CNTN4: variants seen among roughly 807,000 people sequenced by gnomAD.
CNTN4 encodes contactin 4, also known as contactin-4.
In CNTN4, 77 loss-of-function variants were observed where a neutral mutation model predicts 122.5. The ratio of observed to expected loss-of-function variants is 0.63; its 90% CI spans 0.52 to 0.76. The LOEUF is 0.76. Ranked by LOEUF, CNTN4 falls within the 30% of genes least tolerant of loss-of-function variation. The pLI, the probability that CNTN4 is intolerant of heterozygous loss-of-function variation, is 0.00. For missense variants in CNTN4, 1,256 were observed against 1,259.1 expected (o/e 1.00, Z 0.04); for synonymous variants, 512 against 447.0 (o/e 1.15, Z -1.83).
chr3:2,900,467 G>C (rs2094161120), intron 10 of CNTN4, among the ~76,000 whole-genome samples: 2 of 152,130 alleles, frequency 1.3e-5, no homozygotes, highest in African/African-American at 4.8e-5. Context: ...TATCCATTTT[G>C]CATTTAGCGA....
At chr3:2,826,447 G>T (rs2092990930) in intron 7 of CNTN4, among the ~76,000 whole-genome samples, 1 of 152,172 alleles carries the variant, frequency 6.6e-6, no homozygotes, top group African/African-American at 2.4e-5. Context: ...AAAGAAGCAA[G>T]CATGCCTTTC....
intron 3 of CNTN4, among the ~76,000 whole-genome samples, chr3:2,354,204 A>G (rs975877701): frequency 6.6e-6 from 1 of 152,220 alleles, no homozygotes; most frequent in African/African-American, 2.4e-5. Flanking sequence ...GTCAGAATTC[A>G]TAATCACTTC....
At position 2,709,413 on chromosome 3, in the gene CNTN4, C is replaced by T. The variant is rs1214545685; in HGVS notation, c.56-26802C>T. On this transcript the variant is annotated intron_variant, in intron 4 of 24. Transcript: ENST00000418658. The surrounding 1 kb of genome is among the most constrained non-coding windows in gnomAD (Gnocchi z 5.0). ...GATTGGTAAGGGTACAACCTGTGCA[C>T]CAGGGATTTTCAAAGTTCCCTCAGG... 2.6e-5 allele frequency among the ~76,000 whole-genome samples: 4 copies of T among 151,948 alleles called. 1 individual carries two copies. Among genetic ancestry groups the T allele is most frequent in the African/African-American group, 9.7e-5 (4 of 41,346 alleles).
At chr3:2,625,636 A>G (rs1472983380) in intron 4 of CNTN4, among the ~76,000 whole-genome samples, 2 of 152,172 alleles carry the variant, frequency 1.3e-5, no homozygotes, top group Non-Finnish European at 2.9e-5. Flanking sequence ...TAAGTTCCTG[A>G]GATTCATCCA....
At chr3:2,187,497 T>G (rs1473660987) in intron 2 of CNTN4, among the ~76,000 whole-genome samples, 1 of 152,204 alleles carries the variant, frequency 6.6e-6, no homozygotes, top group Non-Finnish European at 1.5e-5. Flanking sequence ...CTGCTATGGC[T>G]GGAGTCCCTT....
intron 2 of CNTN4, among the ~76,000 whole-genome samples, chr3:2,272,811 T>TA (rs537196609): frequency 2.3e-4 from 2 of 8,668 alleles, no homozygotes; most frequent in Non-Finnish European, 0.013. Context: ...CTACAGAGCC[T>TA]TTTTTTTTTT....
At chr3:2,773,778 T>TTTTTTTTTTTA (rs55655933) in intron 6 of CNTN4, among the ~76,000 whole-genome samples, 5 of 149,510 alleles carry the variant, frequency 3.3e-5, no homozygotes, top group African/African-American at 1.2e-4. Context: ...TTTTTTTTTT[T>TTTTTTTTTTTA]GAGACGGAGT....
At chr3:2,587,367 A>C (rs17016969) in intron 4 of CNTN4, among the ~76,000 whole-genome samples, 2,196 of 152,320 alleles carry the variant, frequency 0.014, 47 homozygotes, top group African/African-American at 0.05. Context: ...TCTGTATAGA[A>C]TTTTGTTGGG....
intron 3 of CNTN4, among the ~76,000 whole-genome samples, chr3:2,527,797 G>T (rs1367175186): frequency 6.6e-6 from 1 of 152,046 alleles, no homozygotes; most frequent in Non-Finnish European, 1.5e-5. Flanking sequence ...AACAAAAATA[G>T]AACAAGTTTA....
intron 4 of CNTN4, among the ~76,000 whole-genome samples, chr3:2,627,429 A>C (rs1031762226): frequency 6.6e-6 from 1 of 151,344 alleles, no homozygotes; most frequent in Non-Finnish European, 1.5e-5. Context: ...TTAGGGTAGC[A>C]GTAAACTTTG....
chr3:2,626,073 C>A (rs2082173407), intron 4 of CNTN4, among the ~76,000 whole-genome samples: 1 of 152,154 alleles, frequency 6.6e-6, no homozygotes. Flanking sequence ...GTATTCTGGG[C>A]ACTATCTTTT....
chr3:2,972,600 C>T (rs1168594228), intron 13 of CNTN4, among the ~76,000 whole-genome samples: 1 of 152,138 alleles, frequency 6.6e-6, no homozygotes, highest in Non-Finnish European at 1.5e-5. Flanking sequence ...TCAGTGTTTT[C>T]AGAACACTAT....
At chr3:2,542,921 G>C (rs890853773) in intron 3 of CNTN4, among the ~76,000 whole-genome samples, 4 of 152,034 alleles carry the variant, frequency 2.6e-5, no homozygotes, top group Admixed American at 6.6e-5. Flanking sequence ...TGATGGCCTT[G>C]AAAAGAAACA....
At position 3,024,207 on chromosome 3, in the gene CNTN4, A is replaced by G. The variant is rs11927711; in HGVS notation, c.1487-1895A>G. 4.3e-3 allele frequency among the ~76,000 whole-genome samples: 658 copies of G among 152,234 alleles called. 5 individuals are homozygous for G. Among genetic ancestry groups the G allele is most frequent in the African/African-American group, 0.014 (588 of 41,548 alleles). Reference sequence around the variant, plus strand: ...GCTGTTTAAAGTAGAACTAGGCAACATCTTTATCAAATAAAACCCATAGAG... The same window carrying G: ...GCTGTTTAAAGTAGAACTAGGCAACGTCTTTATCAAATAAAACCCATAGAG... On this transcript the variant is annotated intron_variant, in intron 14 of 24. Transcript: ENST00000418658.
chr3:2,442,822 G>A (rs1404926754), intron 3 of CNTN4, among the ~76,000 whole-genome samples: 1 of 152,142 alleles, frequency 6.6e-6, no homozygotes, highest in African/African-American at 2.4e-5. Flanking sequence ...TTTTGAAATG[G>A]TTAATGAGAG....
At chr3:2,821,419 C>T (rs768925144) in intron 7 of CNTN4, among the ~76,000 whole-genome samples, 1 of 152,196 alleles carries the variant, frequency 6.6e-6, no homozygotes, top group African/African-American at 2.4e-5. Context: ...TGGGAAGAAG[C>T]AAAGACAAAA....
chr3:2,913,857 A>G (rs1366732862), intron 12 of CNTN4, among the ~76,000 whole-genome samples: 1 of 152,188 alleles, frequency 6.6e-6, no homozygotes, highest in African/African-American at 2.4e-5. Context: ...AGAATATGAA[A>G]TCTACTCATG....
intron 4 of CNTN4, among the ~76,000 whole-genome samples, chr3:2,664,446 TA>T (rs1277279586): frequency 6.6e-6 from 1 of 150,900 alleles, no homozygotes; most frequent in Non-Finnish European, 1.5e-5. Context: ...AGATTTTCTG[TA>T]AATTAGCATT....
chr3:2,537,011 C>A (rs1034729442), intron 3 of CNTN4, among the ~76,000 whole-genome samples: 7 of 151,928 alleles, frequency 4.6e-5, no homozygotes, highest in Non-Finnish European at 1.0e-4. Context: ...GTTTTTGTGC[C>A]TAATATATGA....
Sources: gnomAD v4.1 joint callset for allele counts (sites outside exome capture counted in the v4.1 genomes callset) on GRCh38, gnomAD v4.1.1 for gene constraint, Gnocchi (gnomAD v3.1) non-coding constraint, MANE v1.5 for transcripts, NCBI Gene and HGNC (gene_info 2026-07-23, HGNC 2026-07-21) for gene names.